Variants in CDHR3 observed in about 807,000 individuals in gnomAD.
CDHR3 encodes the protein cadherin-related family member 3.
In CDHR3, 79 loss-of-function variants were observed where a neutral mutation model predicts 86.6. That is an observed-to-expected ratio of 0.91 (90% confidence interval 0.76 to 1.10). The LOEUF is 1.10. CDHR3 is among the 50% of genes least tolerant of loss of function. The pLI is 0.00. For synonymous variants in CDHR3, 421 were observed against 402.4 expected (o/e 1.05, Z -0.55); for missense variants, 1,081 against 1,077.6 (o/e 1.00, Z -0.04).
At chr7:106,015,843 C>A in intron 10 of CDHR3, 84 bp from the exon 11 acceptor site, 1 of 1,024,878 alleles carries the variant, frequency 9.8e-7, no homozygotes, top group Non-Finnish European at 1.5e-6. Flanking sequence ...AAAGCCTGTA[C>A]ACAGGAGATT....
chr7:106,006,140 G>C (rs1007751024), intron 8 of CDHR3, among the ~76,000 whole-genome samples: 10 of 151,530 alleles, frequency 6.6e-5, no homozygotes, highest in African/African-American at 2.2e-4. Flanking sequence ...AAAGCCATCA[G>C]ATCTCATGAG....
intron 9 of CDHR3, among the ~76,000 whole-genome samples, chr7:106,014,079 G>T (rs1026266084): frequency 6.6e-6 from 1 of 152,018 alleles, no homozygotes; most frequent in Admixed American, 6.6e-5. Context: ...TCACATTTCA[G>T]CCTCCCTAGC....
intron 9 of CDHR3, among the ~76,000 whole-genome samples, chr7:106,014,774 G>A (rs1327429211): frequency 6.6e-6 from 1 of 152,196 alleles, no homozygotes; most frequent in African/African-American, 2.4e-5. Context: ...ATAATAAGGG[G>A]GGACTACTAT....
In CDHR3 at chr7:106,017,886, C is replaced by T; in HGVS notation, c.1467C>T (p.Asp489=). Residue 489 remains aspartate, a synonymous_variant, in exon 12 of 19, where the codon GAC becomes GAT. Coordinates refer to ENST00000317716, the MANE Select transcript of CDHR3 (RefSeq NM_152750.5). ...GACAGGTGCGAGCCACTGATAAAGA[C>T]CTCCCCCAGAGCAGCCTCCTGTACT... ...RVGQVRATDK[D]LPQSSLLYSI... is the part of the protein sequence containing the mutation. 6.2e-7 allele frequency: 1 copy of T among 1,602,640 alleles called. No homozygotes were observed. The highest frequency in any genetic ancestry group is 8.5e-7 in the Non-Finnish European group (1 of 1,174,498).
intron 2 of CDHR3, among the ~76,000 whole-genome samples, chr7:105,976,965 A>C (rs1290637806): frequency 6.7e-6 from 1 of 148,730 alleles, no homozygotes; most frequent in Non-Finnish European, 1.5e-5. Flanking sequence ...TCCAAGGCAC[A>C]TTCACATACC....
intron 2 of CDHR3, among the ~76,000 whole-genome samples, chr7:105,976,853 A>T (rs1252565942): frequency 1.3e-5 from 2 of 152,146 alleles, no homozygotes; most frequent in Non-Finnish European, 2.9e-5. Context: ...CAATTGACAG[A>T]CATTTGGGTT....
chr7:105,995,486 G>C (rs1176155266), intron 5 of CDHR3, among the ~76,000 whole-genome samples: 4 of 152,174 alleles, frequency 2.6e-5, no homozygotes, highest in Admixed American at 1.3e-4. Context: ...AAGAGTCTTT[G>C]ATTTGGGCAG....
intron 1 of CDHR3, among the ~76,000 whole-genome samples, chr7:105,969,348 C>T (rs1456212533): frequency 8.8e-5 from 11 of 125,304 alleles, no homozygotes; most frequent in African/African-American, 2.2e-4. Flanking sequence ...TGCAGTGAGC[C>T]GAGATTGCGC....
At chr7:106,009,746 C>T (rs1172439627) in intron 8 of CDHR3, among the ~76,000 whole-genome samples, 1 of 152,222 alleles carries the variant, frequency 6.6e-6, no homozygotes, top group Non-Finnish European at 1.5e-5. Flanking sequence ...ATGAATGAGC[C>T]CAGGGCCCGA....
Position 106,016,007 on chromosome 7 carries a change from G to A in CDHR3, c.1408G>A (p.Val470Met), listed in dbSNP as rs370853389. Residue 470 changes from valine to methionine, a missense_variant, in exon 11 of 19, where the codon GTG becomes ATG. Physicochemically the swap from Val to Met is conservative, Grantham distance 21 (BLOSUM62 1). Coordinates refer to ENST00000317716, the MANE Select transcript of CDHR3 (RefSeq NM_152750.5). ...TGATAGGCCATCCTATGTATTTGAT[G>A]TGTCAGAAAGAAGGCCCGGTAAGTA... ...IFDRPSYVFD[V>M]SERRPARTRV... 41 of 1,610,968 alleles carry A rather than the reference G, an allele frequency of 2.5e-5. No individual in the cohort carries two copies. Among genetic ancestry groups the A allele is most frequent in the Non-Finnish European group, 3.3e-5 (39 of 1,178,398 alleles).
At chr7:106,002,422 A>AG (rs1833333492) in intron 7 of CDHR3, among the ~76,000 whole-genome samples, 1 of 152,210 alleles carries the variant, frequency 6.6e-6, no homozygotes, top group African/African-American at 2.4e-5. Context: ...GAATTTAGCA[A>AG]GGTCCGTTTG....
At chr7:106,027,238 A>C (rs552728984) in intron 16 of CDHR3, among the ~76,000 whole-genome samples, 1 of 152,226 alleles carries the variant, frequency 6.6e-6, no homozygotes, top group Admixed American at 6.5e-5. Context: ...TCTACTAAAA[A>C]TACAAAAAAT....
At position 106,024,345 on chromosome 7, in the gene CDHR3, C is replaced by T. The variant is rs758620013; in HGVS notation, c.2077-36C>T. On this transcript the variant is annotated intron_variant, in intron 14 of 18. Coordinates refer to ENST00000317716, the MANE Select transcript of CDHR3 (RefSeq NM_152750.5). ...GTGCTGAATGTCAAAATCACTACCA[C>T]CCTCTACTCACCCTCCCTGCTCTCT... is the stretch of plus-strand genomic sequence containing the variant. 5 of 1,593,226 alleles carry T rather than the reference C, an allele frequency of 3.1e-6. No individual in the cohort carries two copies. The South Asian group carries it at 4.5e-5, about 14-fold the overall frequency.
At chr7:105,983,679 C>A (rs1830110761) in intron 3 of CDHR3, among the ~76,000 whole-genome samples, 1 of 152,144 alleles carries the variant, frequency 6.6e-6, no homozygotes, top group Non-Finnish European at 1.5e-5. Flanking sequence ...TTTGGTTCCT[C>A]CCTTGAGCCT....
rs561028590 is a variant in CDHR3, at chr7:106,036,358, T to G, written c.*3661T>G. 1 of 152,330 alleles carries G rather than the reference T, an allele frequency of 6.6e-6. No individual in the cohort carries two copies. The highest frequency in any genetic ancestry group is 2.4e-5 in the African/African-American group (1 of 41,576). The allele number at this position is 152,330 out of a possible 1,614,324, so 9.4% of individuals were successfully genotyped here. A position where few individuals can be genotyped will look rare whatever the true frequency, so the allele number is the denominator to read the frequency against. ...TGAAGACAATGATTGCTATTGAAAC[T>G]TAGGATTTCTCATTTCAAACTTAGC... On this transcript the variant is annotated 3_prime_UTR_variant, in exon 19 of 19. Transcript: ENST00000317716.
In CDHR3 at chr7:106,004,616, T is replaced by A. The variant is rs375211862; in HGVS notation, c.981T>A (p.Asn327Lys). The A allele has an allele frequency of 2.5e-6, 4 of 1,613,876 alleles. No individual in the cohort carries two copies. In the African/African-American group the frequency reaches 5.3e-5, roughly 22 times the overall value. Reference protein sequence around the residue: ...VKDRPYGGQENRIQITFIVED... With the variant: ...VKDRPYGGQEKRIQITFIVED... ...ACAGACCATATGGGGGTCAGGAGAA[T>A]CGCATCCAGATAACCTTCATTGTGG... The change falls in exon 8 of 19, where the codon AAT becomes AAA. Residue 327 changes from asparagine (N) to lysine (K), a missense_variant. By Grantham distance (94) the Asn-to-Lys change is moderately conservative. Transcript: ENST00000317716.
intron 17 of CDHR3, among the ~76,000 whole-genome samples, chr7:106,029,196 G>A (rs979379492): frequency 6.6e-6 from 1 of 152,060 alleles, no homozygotes; most frequent in South Asian, 2.1e-4. Context: ...GGCCAGGCTG[G>A]TCTTGAACTC....
intron 16 of CDHR3, 165 bp from the exon 17 acceptor site, chr7:106,028,386 G>A: frequency 1.3e-6 from 1 of 752,388 alleles, no homozygotes; most frequent in Non-Finnish European, 2.3e-6. Context: ...TTTCTGAGAA[G>A]ATGGAAAGTT....
chr7:106,031,809 A>C (rs919803767), intron 18 of CDHR3, among the ~76,000 whole-genome samples: 10 of 152,010 alleles, frequency 6.6e-5, no homozygotes, highest in Non-Finnish European at 1.3e-4. Flanking sequence ...AAAAAAAAAG[A>C]AAGACATGAG....
Sources: allele counts gnomAD v4.1 joint callset (sites outside exome capture counted in the v4.1 genomes callset), GRCh38; gene constraint gnomAD v4.1.1; transcripts MANE v1.5; gene names NCBI Gene and HGNC (gene_info 2026-07-23, HGNC 2026-07-21).